Variants in NR6A1 observed in about 807,000 individuals in gnomAD.
NR6A1 encodes the protein nuclear receptor subfamily 6 group A member 1, also known as retinoic acid receptor-related testis-associated receptor.
Under a neutral mutation model 59.1 loss-of-function variants are expected in NR6A1, and 7 were observed. The ratio of observed to expected loss-of-function variants is 0.12; its 90% CI spans 0.07 to 0.22. NR6A1 has a LOEUF of 0.22. Ranked by LOEUF, NR6A1 falls within the 10% of genes least tolerant of loss-of-function variation. The pLI, the probability that NR6A1 is intolerant of heterozygous loss-of-function variation, is 1.00. For missense variants in NR6A1, 468 were observed against 611.6 expected (o/e 0.77, Z 2.48); for synonymous variants, 243 against 236.1 (o/e 1.03, Z -0.27).
At chr9:124,650,916 C>T (rs1313354919) in intron 2 of NR6A1, among the ~76,000 whole-genome samples, 1 of 152,234 alleles carries the variant, frequency 6.6e-6, no homozygotes, top group East Asian at 1.9e-4. Context: ...GTATAATCAC[C>T]ACCACCACTC....
At chr9:124,612,818 T>TTTTC (rs1554733289) in intron 2 of NR6A1, among the ~76,000 whole-genome samples, 39 of 139,802 alleles carry the variant, frequency 2.8e-4, no homozygotes, top group African/African-American at 1.0e-3. Flanking sequence ...TCTTTCTTTC[T>TTTTC]TTTCTTTCTT....
chr9:124,713,736 A>C (rs1839344187), intron 2 of NR6A1, among the ~76,000 whole-genome samples: 2 of 152,236 alleles, frequency 1.3e-5, no homozygotes, highest in Non-Finnish European at 2.9e-5. Context: ...AAAACACAGT[A>C]AATAAGTGTT....
At chr9:124,609,269 T>C (rs895506008) in intron 2 of NR6A1, among the ~76,000 whole-genome samples, 1 of 152,220 alleles carries the variant, frequency 6.6e-6, no homozygotes, top group Admixed American at 6.5e-5. Flanking sequence ...TTAGTCCATC[T>C]TGAGTTGATT....
intron 2 of NR6A1, among the ~76,000 whole-genome samples, chr9:124,709,480 C>A (rs1344363054): frequency 6.6e-6 from 1 of 152,042 alleles, no homozygotes; most frequent in Non-Finnish European, 1.5e-5. Context: ...ATCATGGACA[C>A]AGAAGCGAGG....
chr9:124,635,969 C>T (rs933416218), intron 2 of NR6A1, among the ~76,000 whole-genome samples: 1 of 152,164 alleles, frequency 6.6e-6, no homozygotes, highest in Non-Finnish European at 1.5e-5. Context: ...TTTTGCATTC[C>T]CACCAGCAAT....
At chr9:124,729,940 G>A (rs867357770) in intron 2 of NR6A1, among the ~76,000 whole-genome samples, 35 of 151,800 alleles carry the variant, frequency 2.3e-4, no homozygotes, top group South Asian at 1.0e-3. Context: ...AGCCTCCCGA[G>A]TAGCTGGGAT....
At chr9:124,702,619 T>G (rs1838995892) in intron 2 of NR6A1, among the ~76,000 whole-genome samples, 1 of 151,984 alleles carries the variant, frequency 6.6e-6, no homozygotes, top group South Asian at 2.1e-4. Context: ...CCCTCAGTAA[T>G]GAGTTCTTGT....
chr9:124,664,957 G>C (rs1322315315), intron 2 of NR6A1, among the ~76,000 whole-genome samples: 2 of 134,222 alleles, frequency 1.5e-5, no homozygotes, highest in African/African-American at 5.7e-5. Flanking sequence ...AGGATCACTA[G>C]AGCCCAGGAG....
In NR6A1 at chr9:124,596,574, C is replaced by T. The variant is rs567354553; in HGVS notation, c.143-42004G>A. The stretch of plus-strand genomic sequence containing the variant: ...TACAAAGCAAAAGTTACTAATTTCA[C>T]CACCCCCAATCCTTACCCTCAGCCA... On this transcript the variant is annotated intron_variant, in intron 2 of 9. Transcript: ENST00000487099. Among the ~76,000 whole-genome samples, 7 of 152,292 alleles carry T rather than the reference C, an allele frequency of 4.6e-5. No individual in the cohort carries two copies. In the East Asian group the frequency reaches 1.3e-3, roughly 29 times the overall value.
chr9:124,688,448 G>A lies in NR6A1; in HGVS notation c.142+44860C>T, dbSNP rs138764267. ...CAGAAAGCGAAAACGCATATAATGA[G>A]GGACTACTATAATTGTGTAAGCACA... On this transcript the variant is annotated intron_variant, in intron 2 of 9. Coordinates refer to ENST00000487099, the MANE Select transcript of NR6A1 (RefSeq NM_033334.4). Among the ~76,000 whole-genome samples, 18 of 152,308 alleles carry A rather than the reference G, an allele frequency of 1.2e-4. No homozygotes were observed. In the East Asian group the frequency reaches 3.3e-3, roughly 28 times the overall value.
intron 2 of NR6A1, among the ~76,000 whole-genome samples, chr9:124,561,058 G>A (rs1037989401): frequency 2.6e-5 from 4 of 152,090 alleles, no homozygotes; most frequent in African/African-American, 9.7e-5. Context: ...CTTTGTAAGA[G>A]TGAGCACTTA....
At chr9:124,733,886 T>G (rs1195764826) in intron 1 of NR6A1, among the ~76,000 whole-genome samples, 1 of 152,236 alleles carries the variant, frequency 6.6e-6, no homozygotes, top group Non-Finnish European at 1.5e-5. Context: ...ATAAGTATGC[T>G]ATTCAGGTTG....
chr9:124,636,570 C>T (rs1706135290), intron 2 of NR6A1, among the ~76,000 whole-genome samples: 1 of 152,116 alleles, frequency 6.6e-6, no homozygotes, highest in South Asian at 2.1e-4. Context: ...GGTCTGTGAT[C>T]CATTTCAAGT....
rs539292644 is a variant in NR6A1, at chr9:124,721,642, G to A, written c.142+11666C>T. On this transcript the variant is annotated intron_variant, in intron 2 of 9. Coordinates refer to ENST00000487099, the MANE Select transcript of NR6A1 (RefSeq NM_033334.4). Reference sequence around the variant, plus strand: ...GAATCTGAGCCACAGAAGACAACTCGGGAACCTATTCCACAATGAATCATT... The same window carrying A: ...GAATCTGAGCCACAGAAGACAACTCAGGAACCTATTCCACAATGAATCATT... Among the ~76,000 whole-genome samples the A allele has an allele frequency of 4.6e-5, 7 of 152,164 alleles. 1 individual carries two copies. Among genetic ancestry groups the A allele is most frequent in the South Asian group, 4.2e-4 (2 of 4,818 alleles).
chr9:124,667,548 A>T (rs994279569), intron 2 of NR6A1, among the ~76,000 whole-genome samples: 2 of 152,196 alleles, frequency 1.3e-5, no homozygotes, highest in Non-Finnish European at 1.5e-5. Flanking sequence ...CACTGTCCTC[A>T]CACAGATTTC....
At chr9:124,686,222 G>C (rs1034286872) in intron 2 of NR6A1, among the ~76,000 whole-genome samples, 1 of 152,146 alleles carries the variant, frequency 6.6e-6, no homozygotes, top group African/African-American at 2.4e-5. Flanking sequence ...TAAGTCAGAG[G>C]AAGAAATAGT....
chr9:124,539,272 A>G (rs1008252158), intron 5 of NR6A1, among the ~76,000 whole-genome samples: 1 of 152,150 alleles, frequency 6.6e-6, no homozygotes, highest in Non-Finnish European at 1.5e-5. Flanking sequence ...GGGTTGGCAA[A>G]CTTTGGCTTG....
chr9:124,597,846 T>C (rs1386448031), intron 2 of NR6A1, among the ~76,000 whole-genome samples: 1 of 152,108 alleles, frequency 6.6e-6, no homozygotes, highest in Non-Finnish European at 1.5e-5. Context: ...CTAAATCTTA[T>C]TTATTTTTTT....
chr9:124,659,676 TA>T (rs942611233), intron 2 of NR6A1, among the ~76,000 whole-genome samples: 1 of 152,212 alleles, frequency 6.6e-6, no homozygotes, highest in Non-Finnish European at 1.5e-5. Context: ...AAAAGAAACC[TA>T]AAAGTCTCCT....
Sources: gnomAD v4.1 joint callset for allele counts (sites outside exome capture counted in the v4.1 genomes callset) on GRCh38, gnomAD v4.1.1 for gene constraint, MANE v1.5 for transcripts, NCBI Gene and HGNC (gene_info 2026-07-23, HGNC 2026-07-21) for gene names.